The following DYRK1A variants were observed in gnomAD, a reference collection of about 807,000 sequenced individuals.
The protein encoded by DYRK1A is dual specificity tyrosine phosphorylation regulated kinase 1A.
A neutral mutation model predicts 79.7 loss-of-function variants in DYRK1A; 9 were observed. The observed-to-expected ratio is 0.11, with a 90% CI of 0.07 to 0.20. The LOEUF (loss-of-function observed/expected upper bound fraction) is 0.20. Ranked by LOEUF, DYRK1A falls within the 10% of genes least tolerant of loss-of-function variation. DYRK1A has a pLI of 1.00. For synonymous variants in DYRK1A, 349 were observed against 329.7 expected (o/e 1.06, Z -0.63); for missense variants, 622 against 956.0 (o/e 0.65, Z 4.61).
intron 6 of DYRK1A, chr21:37,488,534 A>C: frequency 1.0e-6 from 1 of 974,342 alleles, no homozygotes; most frequent in East Asian, 1.1e-4. Flanking sequence ...GTTAAAAGAA[A>C]ATTTAGTTGA....
At chr21:37,490,154 T>A (rs2148612148) in intron 6 of DYRK1A, 21 bp from the exon 7 acceptor site, 1 of 1,602,716 alleles carries the variant, frequency 6.2e-7, no homozygotes, top group Middle Eastern at 1.7e-4. Flanking sequence ...TAATTTAAAA[T>A]GAAACTGTTT....
chr21:37,484,439 CT>C (rs1313964727), intron 5 of DYRK1A, among the ~76,000 whole-genome samples: 2 of 151,656 alleles, frequency 1.3e-5, no homozygotes, highest in African/African-American at 4.9e-5. Context: ...GGTGATTCTC[CT>C]GCCTCAGCCT....
intron 2 of DYRK1A, among the ~76,000 whole-genome samples, chr21:37,440,337 A>T (rs952453822): frequency 2.6e-5 from 4 of 151,530 alleles, no homozygotes; most frequent in Admixed American, 1.3e-4. Flanking sequence ...GGGTTTCACC[A>T]TGCTGATCAG....
intron 9 of DYRK1A, among the ~76,000 whole-genome samples, chr21:37,499,638 G>A (rs969704032): frequency 6.6e-6 from 1 of 151,302 alleles, no homozygotes; most frequent in East Asian, 1.9e-4. Context: ...TACATATTTT[G>A]TTCACTTTAT....
chr21:37,397,231 G>C (rs2049974027), intron 1 of DYRK1A, among the ~76,000 whole-genome samples: 1 of 152,178 alleles, frequency 6.6e-6, no homozygotes, highest in African/African-American at 2.4e-5. Flanking sequence ...GGAAGATGAT[G>C]ACTGGAGTCT....
intron 6 of DYRK1A, chr21:37,488,476 G>A (rs1220966489): frequency 2.6e-6 from 2 of 781,030 alleles, no homozygotes; most frequent in Admixed American, 1.3e-4. Context: ...CTTCTTTACT[G>A]TGTAGCCAAA....
At position 37,493,060 on chromosome 21, in the gene DYRK1A, T is replaced by C. The variant is rs1393047860; in HGVS notation, c.968T>C (p.Val323Ala). 1 of 1,609,784 alleles carries C rather than the reference T, an allele frequency of 6.2e-7. No individual in the cohort carries two copies. The highest frequency in any genetic ancestry group is 8.5e-7 in the Non-Finnish European group (1 of 1,177,130). ...AGTCGCTTTTATCGGTCTCCAGAGGTGCTACTGGGAATGCCTTATGACCTT... is the reference window on the plus strand; with the variant it reads ...AGTCGCTTTTATCGGTCTCCAGAGGCGCTACTGGGAATGCCTTATGACCTT... ...IQSRFYRSPEVLLGMPYDLAI... is the reference protein window; with the variant it reads ...IQSRFYRSPEALLGMPYDLAI... Residue 323 changes from valine to alanine, a missense_variant, in exon 8 of 12, where the codon GTG becomes GCG. By Grantham distance (64) the Val-to-Ala change is moderately conservative. Transcript: ENST00000647188.
At chr21:37,424,839 A>G (rs573386770) in intron 2 of DYRK1A, among the ~76,000 whole-genome samples, 65 of 152,270 alleles carry the variant, frequency 4.3e-4, no homozygotes, top group African/African-American at 1.5e-3. Context: ...TCTTGATGCA[A>G]CTTTTCAGAA....
chr21:37,470,795 T>G (rs1364484114), intron 2 of DYRK1A, among the ~76,000 whole-genome samples: 4 of 152,238 alleles, frequency 2.6e-5, no homozygotes, highest in Non-Finnish European at 4.4e-5. Context: ...CATCATTGAT[T>G]ATTGCCTTAG....
intron 6 of DYRK1A, chr21:37,487,720 T>C (rs1166727408): frequency 6.6e-6 from 1 of 152,198 alleles, no homozygotes; most frequent in Non-Finnish European, 1.5e-5. Flanking sequence ...TCAGATTGTT[T>C]AGATTTTGTT....
intron 2 of DYRK1A, among the ~76,000 whole-genome samples, chr21:37,454,933 A>G (rs996116059): frequency 6.6e-5 from 10 of 151,136 alleles, no homozygotes; most frequent in Non-Finnish European, 1.5e-4. Context: ...GGACAGCTTT[A>G]TATTCCTGAG....
intron 2 of DYRK1A, chr21:37,430,221 C>A (rs1252663606): frequency 1.1e-6 from 1 of 895,274 alleles, no homozygotes; most frequent in Non-Finnish European, 1.3e-6. Context: ...GGTATGTTCA[C>A]TTACACATCT....
At chr21:37,480,532 C>T in intron 4 of DYRK1A, 106 bp from the exon 5 acceptor site, 1 of 849,266 alleles carries the variant, frequency 1.2e-6, no homozygotes, top group Non-Finnish European at 1.7e-6. Context: ...TATTTTCTAA[C>T]TCAAATGTCA....
intron 4 of DYRK1A, among the ~76,000 whole-genome samples, chr21:37,479,166 T>C (rs1172251726): frequency 6.6e-6 from 1 of 152,208 alleles, no homozygotes; most frequent in East Asian, 1.9e-4. Context: ...TATAGCAATT[T>C]AATGTTATTT....
chr21:37,367,745 A>T (rs1185269777), intron 1 of DYRK1A, 117 bp downstream of exon 1: 1 of 142,276 alleles, frequency 7.0e-6, no homozygotes, highest in African/African-American at 2.6e-5. Flanking sequence ...CCATTTTAGG[A>T]GGAGGCGCCG....
chr21:37,447,644 G>A (rs2051316319), intron 2 of DYRK1A, among the ~76,000 whole-genome samples: 1 of 152,138 alleles, frequency 6.6e-6, no homozygotes, highest in South Asian at 2.1e-4. Context: ...CCCTGCTCAG[G>A]ATGTAGCAAG....
Position 37,457,855 on chromosome 21 carries a change from C to T in DYRK1A, c.11-14829C>T, listed in dbSNP as rs188950698. 7.2e-5 allele frequency among the ~76,000 whole-genome samples: 11 copies of T among 152,320 alleles called. No individual in the cohort carries two copies. The East Asian group carries it at 1.7e-3, about 24-fold the overall frequency. On this transcript the variant is annotated intron_variant, in intron 2 of 11. Coordinates refer to ENST00000647188, the MANE Select transcript of DYRK1A (RefSeq NM_001347721.2). ...AGTTAATTTTTTTCCCCCTTGACTGCTGTTGCTGTGCCTGCTTTAGAAGAA... is the reference window on the plus strand; with the variant it reads ...AGTTAATTTTTTTCCCCCTTGACTGTTGTTGCTGTGCCTGCTTTAGAAGAA...
At chr21:37,484,738 T>A (rs2052792149) in intron 5 of DYRK1A, among the ~76,000 whole-genome samples, 1 of 152,178 alleles carries the variant, frequency 6.6e-6, no homozygotes, top group Admixed American at 6.5e-5. Context: ...GTGCTCATAG[T>A]TAGGTTTTTC....
intron 5 of DYRK1A, among the ~76,000 whole-genome samples, chr21:37,483,265 A>AT (rs2052722367): frequency 6.6e-6 from 1 of 152,174 alleles, no homozygotes; most frequent in African/African-American, 2.4e-5. Flanking sequence ...TTCACAATCC[A>AT]TGTTCTTCTG....
Sources: allele counts gnomAD v4.1 joint callset (sites outside exome capture counted in the v4.1 genomes callset), GRCh38; gene constraint gnomAD v4.1.1; transcripts MANE v1.5; gene names NCBI Gene and HGNC (gene_info 2026-07-23, HGNC 2026-07-21).